The following FAM149A variants were observed in gnomAD, a reference collection of about 807,000 sequenced individuals.
FAM149A encodes the protein protein FAM149A.
In FAM149A, 71 loss-of-function variants were observed where a neutral mutation model predicts 78.2. That is an observed-to-expected ratio of 0.91 (90% CI 0.75 to 1.11). The LOEUF is 1.11. Among genes scored for constraint, FAM149A ranks in the 50% least tolerant of loss-of-function variants. The pLI is 0.00. For synonymous variants in FAM149A, 446 were observed against 410.5 expected (o/e 1.09, Z -1.04); for missense variants, 1,036 against 971.0 (o/e 1.07, Z -0.89).
chr4:186,156,995 A>G (rs1470895910), intron 7 of FAM149A, among the ~76,000 whole-genome samples: 2 of 152,208 alleles, frequency 1.3e-5, no homozygotes, highest in East Asian at 1.9e-4. Flanking sequence ...TCTGGAAAAC[A>G]CACAGATACA....
intron 1 of FAM149A, among the ~76,000 whole-genome samples, chr4:186,143,298 T>C (rs987418992): frequency 2.6e-5 from 4 of 151,764 alleles, no homozygotes; most frequent in Admixed American, 1.3e-4. Context: ...GACTCCTTTC[T>C]TTTGTTTCCC....
chr4:186,126,829 CT>C lies in FAM149A; in HGVS notation c.566+21188del, dbSNP rs1272958910. ...CCCTAATAAATCTCCTGGTGTATGT[CT>C]CTGTATCTTATTGGTTCTGTTTCTC... On this transcript the variant is annotated intron_variant, in intron 1 of 13. Coordinates refer to ENST00000389354, the MANE Select transcript of FAM149A (RefSeq NM_001367768.3). 4 of 940,554 alleles carry C rather than the reference CT, an allele frequency of 4.3e-6. No homozygotes were observed. In the African/African-American group the frequency reaches 7.1e-5, roughly 17 times the overall value. The allele number at this position is 940,554 out of a possible 1,614,324, so 58.3% of individuals were successfully genotyped here. A position where few individuals can be genotyped will look rare whatever the true frequency, so the allele number is the denominator to read the frequency against.
chr4:186,172,290 T>A lies in FAM149A; in HGVS notation c.*303T>A, dbSNP rs550818247. The A allele has an allele frequency of 3.6e-6, 1 of 274,510 alleles. No homozygotes were observed. The highest frequency in any genetic ancestry group is 1.0e-4 in the South Asian group (1 of 9,878). 17.0% of individuals were successfully genotyped at this position (274,510 alleles called of 1,614,324 possible). A position where few individuals can be genotyped will look rare whatever the true frequency, so the allele number is the denominator to read the frequency against. ...CAATGATACGCAAACATAATTAGCA[T>A]GTGTATGTACTCACACACTAATTAC... is the stretch of plus-strand genomic sequence containing the variant. On this transcript the variant is annotated 3_prime_UTR_variant, in exon 14 of 14. Transcript: ENST00000389354.
intron 8 of FAM149A, chr4:186,158,586 G>C: frequency 3.7e-6 from 1 of 271,268 alleles, no homozygotes; most frequent in Non-Finnish European, 5.0e-6. Context: ...TCCAGTGCCT[G>C]CTGAGCATTG....
intron 1 of FAM149A, chr4:186,118,070 G>A (rs1160592795): frequency 5.1e-6 from 5 of 985,294 alleles, no homozygotes; most frequent in South Asian, 4.7e-5. Flanking sequence ...GGCCAGGCAC[G>A]GGGCTGGACA....
chr4:186,137,251 C>CTT (rs11321331), intron 1 of FAM149A, among the ~76,000 whole-genome samples: 10 of 148,406 alleles, frequency 6.7e-5, no homozygotes, highest in African/African-American at 2.0e-4. Flanking sequence ...TGCTGACCCT[C>CTT]TTTTTTTTTT....
chr4:186,105,044 C>A lies in FAM149A; in HGVS notation c.-33C>A, dbSNP rs1561379359. ...GATCTCCGCGGTCTGAACTCTCGGG[C>A]GGCGGCGAGGACGGCGTGTCCACTG... On this transcript the variant is annotated 5_prime_UTR_variant, in exon 1 of 14. Transcript: ENST00000389354. 5 of 1,263,142 alleles carry A rather than the reference C, an allele frequency of 4.0e-6. No homozygotes were observed. The highest frequency in any genetic ancestry group is 1.6e-5 in the African/African-American group (1 of 62,158). The allele number at this position is 1,263,142 out of a possible 1,614,324, so 78.2% of individuals were successfully genotyped here. A position where few individuals can be genotyped will look rare whatever the true frequency, so the allele number is the denominator to read the frequency against.
At chr4:186,123,991 T>A in intron 1 of FAM149A, 1 of 985,352 alleles carries the variant, frequency 1.0e-6, no homozygotes, top group Non-Finnish European at 1.2e-6. Flanking sequence ...AATTTTCTAA[T>A]GTGTGAAAGA....
chr4:186,164,761 A>G lies in FAM149A; in HGVS notation c.1890-583A>G, dbSNP rs970349867. 2.6e-5 allele frequency among the ~76,000 whole-genome samples: 4 copies of G among 152,114 alleles called. No homozygotes were observed. The highest frequency in any genetic ancestry group is 9.7e-5 in the African/African-American group (4 of 41,416). ...CCATTTATGTTTCCTACTGAGATACATTCAGATGCCACTAACTGTACAAAT... is the reference window on the plus strand; with the variant it reads ...CCATTTATGTTTCCTACTGAGATACGTTCAGATGCCACTAACTGTACAAAT... On this transcript the variant is annotated intron_variant, in intron 10 of 13. Coordinates refer to ENST00000389354, the MANE Select transcript of FAM149A (RefSeq NM_001367768.3). This position sits in a 1 kb window ranked among gnomAD's most constrained non-coding sequence, Gnocchi z 4.0.
At chr4:186,131,781 G>A (rs948772982) in intron 1 of FAM149A, 4 of 456,156 alleles carry the variant, frequency 8.8e-6, no homozygotes, top group African/African-American at 2.1e-5. Context: ...TCTCATCCTC[G>A]AGGATAGGTA....
At chr4:186,133,048 G>T (rs912428929) in intron 1 of FAM149A, 1 of 985,260 alleles carries the variant, frequency 1.0e-6, no homozygotes, top group South Asian at 4.7e-5. Flanking sequence ...AGGAATGTGA[G>T]TAAAGGCTTC....
In FAM149A at chr4:186,105,499, C is replaced by T; in HGVS notation, c.423C>T (p.Pro141=). ...CCGGCGGGGTCTGGGCCGCGCTCCC[C>T]AGGAACCCGCTCCAGCCTGGCCCCG... is the stretch of plus-strand genomic sequence containing the variant. The change falls in exon 1 of 14, where the codon CCC becomes CCT. Residue 141 remains proline (P), a synonymous_variant. Coordinates refer to ENST00000389354, the MANE Select transcript of FAM149A (RefSeq NM_001367768.3). 8.4e-7 allele frequency: 1 copy of T among 1,186,906 alleles called. No individual in the cohort carries two copies. The highest frequency in any genetic ancestry group is 1.1e-6 in the Non-Finnish European group (1 of 946,914). 73.5% of individuals were successfully genotyped at this position (1,186,906 alleles called of 1,614,324 possible).
At chr4:186,114,745 G>A (rs866883444) in intron 1 of FAM149A, among the ~76,000 whole-genome samples, 151 of 3,070 alleles carry the variant, frequency 0.049, 74 homozygotes, top group African/African-American at 0.05. Flanking sequence ...TGGCTTGTAG[G>A]GTTTCTGCCG....
intron 1 of FAM149A, chr4:186,123,438 A>G (rs1353088005): frequency 2.2e-6 from 2 of 902,272 alleles, no homozygotes; most frequent in Admixed American, 6.2e-5. Flanking sequence ...TTCTTGCTGG[A>G]TATGCAGAAA....
At chr4:186,136,976 T>TCTCTCTCTCTCTTTCTCTCTCTCTC (rs2099323291) in intron 1 of FAM149A, among the ~76,000 whole-genome samples, 3 of 72,118 alleles carry the variant, frequency 4.2e-5, no homozygotes, top group South Asian at 5.8e-4. Flanking sequence ...CTCTCTCTCT[T>TCTCTCTCTCTCTTTCTCTCTCTCTC]TCTCTCTCTC....
At position 186,164,382 on chromosome 4, in the gene FAM149A, G is replaced by A. The variant is rs116498352; in HGVS notation, c.1889+749G>A. The A allele has an allele frequency of 2.7e-3, 2,118 of 782,722 alleles. 39 individuals carry two copies. The African/African-American group carries it at 0.037, about 14-fold the overall frequency. The allele number at this position is 782,722 out of a possible 1,614,324, so 48.5% of individuals were successfully genotyped here. ...CCGGACACACCCACAAGTGCTCTCA[G>A]GCTTTAGAGACCACCCACTGGACCC... On this transcript the variant is annotated intron_variant, in intron 10 of 13. Transcript: ENST00000389354. The surrounding 1 kb of genome is among the most constrained non-coding windows in gnomAD (Gnocchi z 4.0).
intron 1 of FAM149A, among the ~76,000 whole-genome samples, 174 bp downstream of exon 1, chr4:186,105,816 C>T (rs1335103905): frequency 2.0e-5 from 3 of 152,216 alleles, no homozygotes; most frequent in Admixed American, 2.0e-4. Context: ...CTTGGCTTTG[C>T]GGGCTTTCAG....
intron 1 of FAM149A, chr4:186,133,201 A>G (rs2099321500): frequency 1.0e-6 from 1 of 984,786 alleles, no homozygotes; most frequent in Non-Finnish European, 1.2e-6. Flanking sequence ...TGTGATAAAT[A>G]TGCATGAGAC....
chr4:186,160,450 C>T (rs1263579350), intron 8 of FAM149A, among the ~76,000 whole-genome samples: 15 of 149,438 alleles, frequency 1.0e-4, no homozygotes, highest in African/African-American at 3.5e-4. Context: ...ATATCCCACA[C>T]AAACACACCA....
Sources: gnomAD v4.1 joint callset for allele counts (sites outside exome capture counted in the v4.1 genomes callset) on GRCh38, gnomAD v4.1.1 for gene constraint, Gnocchi (gnomAD v3.1) non-coding constraint, MANE v1.5 for transcripts, NCBI Gene and HGNC (gene_info 2026-07-23, HGNC 2026-07-21) for gene names.